Variants in XYLT1 observed in about 807,000 individuals in gnomAD.
XYLT1 encodes xylosyltransferase 1, also known as beta-D-xylosyltransferase 1.
Under a neutral mutation model 91.3 loss-of-function variants are expected in XYLT1, and 36 were observed. The observed-to-expected ratio is 0.39, with a 90% CI of 0.30 to 0.52. The LOEUF (loss-of-function observed/expected upper bound fraction) is 0.52. Among genes scored for constraint, XYLT1 ranks in the 20% least tolerant of loss-of-function variants. The probability of loss-of-function intolerance (pLI) is 0.68; values close to 1 mark genes in which losing one functional copy is unlikely to be tolerated. For synonymous variants in XYLT1, 588 were observed against 532.0 expected (o/e 1.11, Z -1.45); for missense variants, 1,242 against 1,284.5 (o/e 0.97, Z 0.51).
rs141547412 is a variant in XYLT1 at position 17,222,512 on chromosome 16, G to A, written c.914-21858C>T. On this transcript the variant is annotated intron_variant, in intron 3 of 11. Transcript: ENST00000261381. ...CTTATTAAAATGCAGAATCTAGACC[G>A]GGCGCAGTGGCTTACGCCTGTAATC... is the stretch of plus-strand genomic sequence containing the variant. Among the ~76,000 whole-genome samples the A allele has an allele frequency of 2.7e-3, 404 of 152,280 alleles. 2 individuals carry two copies. Among genetic ancestry groups the A allele is most frequent in the African/African-American group, 8.7e-3 (363 of 41,572 alleles).
intron 1 of XYLT1, among the ~76,000 whole-genome samples, chr16:17,413,726 T>C (rs572648908): frequency 6.6e-6 from 1 of 152,274 alleles, no homozygotes; most frequent in East Asian, 1.9e-4. Flanking sequence ...ATTTTCTGTA[T>C]TGTAGATGCT....
At chr16:17,309,316 G>A (rs1448739827) in intron 2 of XYLT1, among the ~76,000 whole-genome samples, 2 of 152,154 alleles carry the variant, frequency 1.3e-5, no homozygotes, top group African/African-American at 4.8e-5. Context: ...AATGTCCCTT[G>A]GGGAGGCCTA....
chr16:17,332,447 AG>A (rs1835366352), intron 2 of XYLT1, among the ~76,000 whole-genome samples: 1 of 152,084 alleles, frequency 6.6e-6, no homozygotes, highest in Admixed American at 6.6e-5. Context: ...CTGTAATCCC[AG>A]CTACTCGGGA....
At chr16:17,201,471 T>C (rs577480088) in intron 3 of XYLT1, among the ~76,000 whole-genome samples, 1 of 151,516 alleles carries the variant, frequency 6.6e-6, no homozygotes, top group East Asian at 1.9e-4. Flanking sequence ...ATAAGAGAGG[T>C]TATCTTTTTT....
At chr16:17,381,087 C>T (rs1300399506) in intron 1 of XYLT1, among the ~76,000 whole-genome samples, 1 of 151,980 alleles carries the variant, frequency 6.6e-6, no homozygotes, top group Non-Finnish European at 1.5e-5. Flanking sequence ...TAGAACTTTT[C>T]AATTAATCGC....
chr16:17,294,160 A>T (rs1010848342), intron 2 of XYLT1, among the ~76,000 whole-genome samples: 1 of 152,156 alleles, frequency 6.6e-6, no homozygotes, highest in Non-Finnish European at 1.5e-5. Flanking sequence ...TGCTCAGCAG[A>T]GCCTCAAAAT....
intron 3 of XYLT1, among the ~76,000 whole-genome samples, chr16:17,235,847 C>A (rs1005310547): frequency 6.6e-6 from 1 of 152,152 alleles, no homozygotes; most frequent in Non-Finnish European, 1.5e-5. Context: ...ACATACATCA[C>A]TCTCTATTAC....
chr16:17,239,589 G>A (rs2033312216), intron 3 of XYLT1, among the ~76,000 whole-genome samples: 1 of 139,830 alleles, frequency 7.2e-6, no homozygotes. Context: ...CACTCACCTA[G>A]TCCGTCCATC....
intron 8 of XYLT1, among the ~76,000 whole-genome samples, chr16:17,135,765 A>ATACTT (rs1439394336): frequency 3.3e-5 from 5 of 152,222 alleles, no homozygotes; most frequent in South Asian, 4.1e-4. Flanking sequence ...ACCAGGTGTT[A>ATACTT]TACTTTATAT....
intron 1 of XYLT1, among the ~76,000 whole-genome samples, chr16:17,404,848 G>C (rs115301505): frequency 8.1e-4 from 124 of 152,328 alleles, no homozygotes; most frequent in African/African-American, 2.9e-3. Flanking sequence ...CATAGGGATA[G>C]AAATACAGGC....
At chr16:17,173,651 C>T (rs1443365312) in intron 5 of XYLT1, among the ~76,000 whole-genome samples, 1 of 152,262 alleles carries the variant, frequency 6.6e-6, no homozygotes, top group Non-Finnish European at 1.5e-5. Context: ...TTCACAAACT[C>T]GGACAGAATT....
chr16:17,201,668 T>G (rs2141590573), intron 3 of XYLT1, among the ~76,000 whole-genome samples: 1 of 151,894 alleles, frequency 6.6e-6, no homozygotes, highest in South Asian at 2.1e-4. Context: ...AGAGATGGGG[T>G]TTCATCATGT....
chr16:17,324,577 G>C (rs1212151363), intron 2 of XYLT1, among the ~76,000 whole-genome samples: 2 of 152,230 alleles, frequency 1.3e-5, no homozygotes, highest in Non-Finnish European at 2.9e-5. Context: ...GCTGCTGAAA[G>C]CTTGTCCTTC....
intron 2 of XYLT1, among the ~76,000 whole-genome samples, chr16:17,289,633 G>C (rs1424549047): frequency 1.3e-5 from 2 of 152,116 alleles, no homozygotes; most frequent in Non-Finnish European, 1.5e-5. Flanking sequence ...CCAAATCCAA[G>C]ACCCAACATC....
intron 2 of XYLT1, among the ~76,000 whole-genome samples, chr16:17,275,111 G>A (rs1055299329): frequency 5.3e-5 from 8 of 152,122 alleles, no homozygotes; most frequent in Non-Finnish European, 1.0e-4. Context: ...TGGGAGGTGG[G>A]GGTTGTAGTG....
At chr16:17,265,885 T>G (rs532054700) in intron 2 of XYLT1, among the ~76,000 whole-genome samples, 1 of 152,274 alleles carries the variant, frequency 6.6e-6, no homozygotes, top group Non-Finnish European at 1.5e-5. Context: ...TCTTATTGTT[T>G]ATGTAGGAGA....
rs1966764454 is a variant in XYLT1, at chr16:17,105,657, A to ACC, written c.*3037_*3038insGG. ...AGAATGCTTCCTTCTCCACAAACCA[A>ACC]TACCCCAAGGCCCACCTGTCAGCCT... On this transcript the variant is annotated 3_prime_UTR_variant, in exon 12 of 12. Transcript: ENST00000261381. 6.6e-6 allele frequency: 1 copy of ACC among 152,012 alleles called. No individual in the cohort carries two copies. Among genetic ancestry groups the ACC allele is most frequent in the South Asian group, 2.1e-4 (1 of 4,800 alleles). The allele number at this position is 152,012 out of a possible 1,614,324, so 9.4% of individuals were successfully genotyped here.
intron 1 of XYLT1, among the ~76,000 whole-genome samples, chr16:17,396,354 G>A (rs2035886918): frequency 6.6e-6 from 1 of 152,106 alleles, no homozygotes; most frequent in Admixed American, 6.6e-5. Flanking sequence ...GGTGACCTTG[G>A]GCATGTTGCT....
chr16:17,262,460 T>A (rs1430442061), intron 2 of XYLT1, among the ~76,000 whole-genome samples: 1 of 152,162 alleles, frequency 6.6e-6, no homozygotes, highest in Non-Finnish European at 1.5e-5. Context: ...AGCATTCAGT[T>A]CCCCTGCAGT....
Sources: allele counts gnomAD v4.1 joint callset (sites outside exome capture counted in the v4.1 genomes callset), GRCh38; gene constraint gnomAD v4.1.1; transcripts MANE v1.5; gene names NCBI Gene and HGNC (gene_info 2026-07-23, HGNC 2026-07-21).